The following MTHFD1 variants were observed in gnomAD, a reference collection of about 807,000 sequenced individuals.
MTHFD1 encodes the protein C-1-tetrahydrofolate synthase, cytoplasmic.
In MTHFD1, 44 loss-of-function variants were observed where a neutral mutation model predicts 110.3. The ratio of observed to expected loss-of-function variants is 0.40; its 90% CI spans 0.31 to 0.51. MTHFD1 has a LOEUF of 0.51. MTHFD1 is among the 20% of genes least tolerant of loss of function. The probability of loss-of-function intolerance (pLI) is 0.60; values close to 1 mark genes in which losing one functional copy is unlikely to be tolerated. For synonymous variants in MTHFD1, 402 were observed against 428.8 expected (o/e 0.94, Z 0.77); for missense variants, 909 against 1,173.1 (o/e 0.77, Z 3.29).
In MTHFD1 at chr14:64,417,955, T is replaced by C. The variant is rs753329438; in HGVS notation, c.546T>C (p.His182=). 18 of 1,613,966 alleles carry C rather than the reference T, an allele frequency of 1.1e-5. No homozygotes were observed. In the East Asian group the frequency reaches 3.6e-4, roughly 32 times the overall value. ...GTAAAATAGTTGGGGCCCCGATGCA[T>C]GACTTGCTTCTGTGGAACAATGCCA... ...GRSKIVGAPM[H]DLLLWNNATV... The change falls in exon 7 of 28, where the codon CAT becomes CAC. Residue 182 remains histidine (H), a synonymous_variant. Coordinates refer to ENST00000652337, the MANE Select transcript of MTHFD1 (RefSeq NM_005956.4). This position sits in a 1 kb window ranked among gnomAD's most constrained non-coding sequence, Gnocchi z 4.4.
chr14:64,449,591 CCAG>C lies in MTHFD1; in HGVS notation c.2431_2433del (p.Ser811del). 1 of 1,614,126 alleles carries C rather than the reference CCAG, an allele frequency of 6.2e-7. No homozygotes were observed. Among genetic ancestry groups the C allele is most frequent in the Non-Finnish European group, 8.5e-7 (1 of 1,180,034 alleles). ...GCCGTCCAGAGAGCAGCACAAGCAC[CCAG>C]CAGCTTCCAGCTCCTTTATGACCTC... On this transcript the variant is annotated inframe_deletion, in exon 24 of 28. Coordinates refer to ENST00000652337, the MANE Select transcript of MTHFD1 (RefSeq NM_005956.4).
At chr14:64,408,330 C>T (rs1034092345) in intron 2 of MTHFD1, among the ~76,000 whole-genome samples, 4 of 147,410 alleles carry the variant, frequency 2.7e-5, no homozygotes, top group African/African-American at 1.0e-4. Context: ...CTCTTGTCGC[C>T]CAGGCTGGAG....
intron 12 of MTHFD1, among the ~76,000 whole-genome samples, chr14:64,428,238 C>T (rs2078133364): frequency 6.6e-6 from 1 of 151,528 alleles, no homozygotes; most frequent in South Asian, 2.1e-4. Flanking sequence ...GCCACAGCCT[C>T]CCGAGTAGCT....
intron 12 of MTHFD1, among the ~76,000 whole-genome samples, chr14:64,429,435 A>G (rs987647269): frequency 2.6e-5 from 4 of 151,836 alleles, no homozygotes; most frequent in African/African-American, 9.7e-5. Context: ...GGCTAGGACT[A>G]TAGGCATGAG....
At chr14:64,413,944 C>T (rs1005723342) in intron 4 of MTHFD1, among the ~76,000 whole-genome samples, 7 of 152,190 alleles carry the variant, frequency 4.6e-5, no homozygotes, top group African/African-American at 1.7e-4. Flanking sequence ...ATCCTCCCAC[C>T]TTAGCCTCTT....
chr14:64,398,849 G>A (rs565030162), intron 1 of MTHFD1, among the ~76,000 whole-genome samples: 1 of 152,278 alleles, frequency 6.6e-6, no homozygotes, highest in Non-Finnish European at 1.5e-5. Context: ...AACTGGGCAA[G>A]GTTGAGCTAT....
At chr14:64,439,672 G>A (rs530788473) in intron 17 of MTHFD1, among the ~76,000 whole-genome samples, 7 of 151,820 alleles carry the variant, frequency 4.6e-5, no homozygotes, top group South Asian at 2.1e-4. Context: ...AGGCCGAGGC[G>A]GGCGGATCAC....
At chr14:64,394,186 C>T (rs537200481) in intron 1 of MTHFD1, among the ~76,000 whole-genome samples, 2 of 152,250 alleles carry the variant, frequency 1.3e-5, no homozygotes, top group South Asian at 4.1e-4. Context: ...GTCAAGATTC[C>T]TCAGCCACTC....
rs758422094 is a variant in MTHFD1 at position 64,458,326 on chromosome 14, A to G, written c.*4+19A>G. On this transcript the variant is annotated intron_variant, in intron 27 of 27. Coordinates refer to ENST00000652337, the MANE Select transcript of MTHFD1 (RefSeq NM_005956.4). ...TAAACAGGTAAGTTGTTACTGGGTA[A>G]TAATTTGGCTTTTTTCCTCATGTAG... is the stretch of plus-strand genomic sequence containing the variant. 1 of 1,565,782 alleles carries G rather than the reference A, an allele frequency of 6.4e-7. No individual in the cohort carries two copies.
chr14:64,412,634 A>ATTTTTTTTTTTTTTTTTTTTTTT (rs10678665), intron 4 of MTHFD1, 109 bp downstream of exon 4: 1 of 423,776 alleles, frequency 2.4e-6, no homozygotes, highest in Non-Finnish European at 4.0e-6. Context: ...ACCTCCAGGT[A>ATTTTTTTTTTTTTTTTTTTTTTT]TTTTTTTTTT....
chr14:64,428,584 C>T (rs2078135798), intron 12 of MTHFD1, among the ~76,000 whole-genome samples: 3 of 145,366 alleles, frequency 2.1e-5, no homozygotes, highest in Non-Finnish European at 3.0e-5. Context: ...GACACAGTCT[C>T]GCTCTGTTGC....
chr14:64,414,556 A>G (rs1001603790), intron 4 of MTHFD1, among the ~76,000 whole-genome samples: 12 of 151,176 alleles, frequency 7.9e-5, no homozygotes, highest in African/African-American at 2.9e-4. Flanking sequence ...TTGTATTGTA[A>G]GGTGCAAATT....
At chr14:64,401,425 C>G (rs1035106409) in intron 2 of MTHFD1, among the ~76,000 whole-genome samples, 1 of 152,074 alleles carries the variant, frequency 6.6e-6, no homozygotes, top group Non-Finnish European at 1.5e-5. Flanking sequence ...AAGTTTTGGC[C>G]GGACACGGTG....
intron 12 of MTHFD1, among the ~76,000 whole-genome samples, chr14:64,429,669 A>G (rs550053336): frequency 4.9e-4 from 75 of 152,276 alleles, no homozygotes; most frequent in Middle Eastern, 3.4e-3. Context: ...CTGGAAAACA[A>G]AAACCCAAAT....
At position 64,388,358 on chromosome 14, in the gene MTHFD1, G is replaced by C; in HGVS notation, c.-70G>C. 6.2e-7 allele frequency: 1 copy of C among 1,614,170 alleles called. No individual in the cohort carries two copies. Among genetic ancestry groups the C allele is most frequent in the South Asian group, 1.1e-5 (1 of 91,086 alleles). Reference sequence around the variant, plus strand: ...CTAAGCACGTGGGTTGGGTTGTCCTGCTTGGCTGCGGAGGGAGTGGAACCT... The same window carrying C: ...CTAAGCACGTGGGTTGGGTTGTCCTCCTTGGCTGCGGAGGGAGTGGAACCT... On this transcript the variant is annotated 5_prime_UTR_variant, in exon 1 of 28. Coordinates refer to ENST00000652337, the MANE Select transcript of MTHFD1 (RefSeq NM_005956.4).
At chr14:64,446,719 T>A (rs2078291707) in intron 22 of MTHFD1, among the ~76,000 whole-genome samples, 1 of 152,146 alleles carries the variant, frequency 6.6e-6, no homozygotes, top group South Asian at 2.1e-4. Context: ...TTTTTTTGTA[T>A]TTTTAGTTGA....
chr14:64,393,607 C>T (rs1252567778), intron 1 of MTHFD1, among the ~76,000 whole-genome samples: 1 of 152,136 alleles, frequency 6.6e-6, no homozygotes, highest in East Asian at 1.9e-4. Flanking sequence ...TGCAGCAGAG[C>T]CCAGAGCTGG....
At position 64,448,239 on chromosome 14, in the gene MTHFD1, G is replaced by T. The variant is rs746915966; in HGVS notation, c.2201G>T (p.Gly734Val). Reference sequence around the variant, plus strand: ...CAGAACCTGGAGCTGGTTGAAAAAGGCTTCAGTAACTTGAAGAAACAAATT... The same window carrying T: ...CAGAACCTGGAGCTGGTTGAAAAAGTCTTCAGTAACTTGAAGAAACAAATT... ...IQENLELVEK[G>V]FSNLKKQIEN... The change falls in exon 23 of 28, where the codon GGC becomes GTC. Residue 734 changes from glycine to valine, a missense_variant. By Grantham distance (109) the Gly-to-Val change is moderately radical. Transcript: ENST00000652337. The T allele has an allele frequency of 1.6e-5, 26 of 1,613,886 alleles. No homozygotes were observed. The highest frequency in any genetic ancestry group is 4.0e-5 in the African/African-American group (3 of 74,874).
intron 17 of MTHFD1, chr14:64,439,401 G>A: frequency 1.7e-6 from 1 of 580,856 alleles, no homozygotes; most frequent in Admixed American, 2.9e-5. Flanking sequence ...TCCTGGAGGT[G>A]GAGAGCCCCA....
Sources: allele counts gnomAD v4.1 joint callset (sites outside exome capture counted in the v4.1 genomes callset), GRCh38; gene constraint gnomAD v4.1.1; non-coding constraint Gnocchi (gnomAD v3.1); transcripts MANE v1.5; gene names NCBI Gene and HGNC (gene_info 2026-07-23, HGNC 2026-07-21).